The following UNC13C variants were observed in gnomAD, a reference collection of about 807,000 sequenced individuals.
The protein encoded by UNC13C is unc-13 homolog C.
A neutral mutation model predicts 245.4 loss-of-function variants in UNC13C; 174 were observed. The observed-to-expected ratio is 0.71, with a 90% confidence interval of 0.63 to 0.80. The LOEUF (loss-of-function observed/expected upper bound fraction) is 0.80, where lower values mean the gene tolerates loss of function less well. Among genes scored for constraint, UNC13C ranks in the 30% least tolerant of loss-of-function variants. The pLI is 0.00. For missense variants in UNC13C, 2,829 were observed against 2,602.9 expected, an observed-to-expected ratio of 1.09 and a Z score of -1.89; for synonymous variants, 992 against 895.1, an observed-to-expected ratio of 1.11 and a Z score of -1.93.
intron 19 of UNC13C, among the ~76,000 whole-genome samples, chr15:54,416,669 G>T (rs78943590): frequency 6.6e-6 from 1 of 151,984 alleles, no homozygotes; most frequent in East Asian, 1.9e-4. Flanking sequence ...TTTTCAGAGA[G>T]CGTTCACTAC....
At chr15:53,899,145 G>A in the UNC13C span, among the ~76,000 whole-genome samples, 10 of 152,160 alleles carry the variant, frequency 6.6e-5, no homozygotes, top group Non-Finnish European at 1.3e-4. Flanking sequence ...AGTATTCTGT[G>A]CACTATATCC....
chr15:54,042,170 C>G (rs1283646761), intron 2 of UNC13C, among the ~76,000 whole-genome samples: 1 of 152,164 alleles, frequency 6.6e-6, no homozygotes. Flanking sequence ...ATAAGGAATA[C>G]TCAACCTCTA....
intron 1 of UNC13C, among the ~76,000 whole-genome samples, chr15:53,990,045 A>G (rs1203278293): frequency 2.0e-5 from 3 of 152,050 alleles, no homozygotes; most frequent in African/African-American, 2.4e-5. Flanking sequence ...ATAAAGGGAG[A>G]AAAGGTCAGC....
At chr15:54,479,238 G>C (rs1024997322) in intron 19 of UNC13C, among the ~76,000 whole-genome samples, 15 of 151,912 alleles carry the variant, frequency 9.9e-5, no homozygotes, top group African/African-American at 2.9e-4. Flanking sequence ...AAGAATATTT[G>C]CTTTATATAT....
chr15:54,338,936 G>A (rs1046836140), intron 17 of UNC13C, among the ~76,000 whole-genome samples: 5 of 152,070 alleles, frequency 3.3e-5, no homozygotes, highest in Admixed American at 6.5e-5. Context: ...GCGCAATCTC[G>A]GCTCACTGCA....
chr15:54,053,940 G>T (rs564887823), intron 2 of UNC13C, among the ~76,000 whole-genome samples: 2 of 152,094 alleles, frequency 1.3e-5, no homozygotes, highest in African/African-American at 4.8e-5. Context: ...GTGACTTTCA[G>T]TTCTATTCAT....
At chr15:54,044,076 CT>C (rs966944840) in intron 2 of UNC13C, among the ~76,000 whole-genome samples, 30 of 152,296 alleles carry the variant, frequency 2.0e-4, no homozygotes, top group African/African-American at 6.7e-4. Context: ...TCGTCACTCT[CT>C]TTTTCCCCTG....
intron 10 of UNC13C, among the ~76,000 whole-genome samples, chr15:54,268,573 C>A (rs1340551489): frequency 6.6e-6 from 1 of 151,992 alleles, no homozygotes. Flanking sequence ...GAGCTTAGTT[C>A]TGGACATACT....
intron 4 of UNC13C, among the ~76,000 whole-genome samples, chr15:54,149,291 G>A (rs1162718442): frequency 6.6e-6 from 1 of 152,104 alleles, no homozygotes; most frequent in African/African-American, 2.4e-5. Flanking sequence ...GGACTAATAT[G>A]GTCTTTGACC....
chr15:54,184,167 A>C (rs934398530), intron 4 of UNC13C, among the ~76,000 whole-genome samples: 1 of 152,302 alleles, frequency 6.6e-6, no homozygotes, highest in East Asian at 1.9e-4. Flanking sequence ...GAAACTTAAC[A>C]AGAAAGAAAG....
At position 54,089,343 on chromosome 15, in the gene UNC13C, T is replaced by A. The variant is rs564910509; in HGVS notation, c.2984-53675T>A. 2.0e-5 allele frequency among the ~76,000 whole-genome samples: 3 copies of A among 152,338 alleles called. No homozygotes were observed. The South Asian group carries it at 6.2e-4, about 32-fold the overall frequency. The stretch of plus-strand genomic sequence containing the variant: ...TGTCTACAATTACCATTACTTCTTT[T>A]AGCTTAATGAGGAGGACTTGGGAGA... On this transcript the variant is annotated intron_variant, in intron 2 of 32. Coordinates refer to ENST00000260323, the MANE Select transcript of UNC13C (RefSeq NM_001080534.3).
intron 2 of UNC13C, among the ~76,000 whole-genome samples, chr15:54,031,376 A>AC (rs1896351622): frequency 1.3e-5 from 2 of 152,120 alleles, no homozygotes; most frequent in Admixed American, 6.5e-5. Flanking sequence ...GGCAGCCGCC[A>AC]CCGCGCCTGG....
At chr15:54,388,125 C>T (rs997981927) in intron 17 of UNC13C, among the ~76,000 whole-genome samples, 1 of 152,086 alleles carries the variant, frequency 6.6e-6, no homozygotes, top group South Asian at 2.1e-4. Flanking sequence ...TCCTACTGAC[C>T]TCAATTTCCT....
intron 17 of UNC13C, among the ~76,000 whole-genome samples, chr15:54,361,330 T>C (rs1264301664): frequency 6.6e-6 from 1 of 152,198 alleles, no homozygotes; most frequent in African/African-American, 2.4e-5. Flanking sequence ...TTTTACTTGG[T>C]GTGTTTTTAC....
At chr15:54,133,019 ACTATAT>A (rs2031522386) in intron 2 of UNC13C, among the ~76,000 whole-genome samples, 2 of 152,186 alleles carry the variant, frequency 1.3e-5, no homozygotes, top group African/African-American at 2.4e-5. Context: ...TTGTAAATTG[ACTATAT>A]CTATCCATCT....
the UNC13C span, among the ~76,000 whole-genome samples, chr15:53,924,732 A>G: frequency 6.6e-6 from 1 of 152,226 alleles, no homozygotes; most frequent in African/African-American, 2.4e-5. Context: ...AATCCCAAAG[A>G]AAGCCTATAT....
At chr15:54,565,002 G>A (rs969285085) in intron 29 of UNC13C, among the ~76,000 whole-genome samples, 4 of 151,800 alleles carry the variant, frequency 2.6e-5, no homozygotes, top group African/African-American at 7.3e-5. Flanking sequence ...TTACTTGGTG[G>A]GATTGTCCTC....
intron 4 of UNC13C, among the ~76,000 whole-genome samples, chr15:54,146,558 G>C (rs912736482): frequency 6.6e-6 from 1 of 152,154 alleles, no homozygotes; most frequent in Non-Finnish European, 1.5e-5. Flanking sequence ...TAAAAGTTCA[G>C]ACAGGCTCTG....
intron 10 of UNC13C, among the ~76,000 whole-genome samples, chr15:54,289,085 T>A (rs1057086392): frequency 6.6e-6 from 1 of 152,080 alleles, no homozygotes; most frequent in Non-Finnish European, 1.5e-5. Flanking sequence ...GGTACCTTTT[T>A]GTGTTCAGAA....
Sources: gnomAD v4.1 joint callset for allele counts (sites outside exome capture counted in the v4.1 genomes callset) on GRCh38, gnomAD v4.1.1 for gene constraint, MANE v1.5 for transcripts, NCBI Gene and HGNC (gene_info 2026-07-23, HGNC 2026-07-21) for gene names.